PRKN: variants seen among roughly 807,000 people sequenced by gnomAD.
PRKN encodes E3 ubiquitin-protein ligase parkin.
Under a neutral mutation model 59.5 loss-of-function variants are expected in PRKN, and 56 were observed. That is an observed-to-expected ratio of 0.94 (90% confidence interval 0.76 to 1.18). The LOEUF is 1.18. PRKN is among the 50% of genes most tolerant of loss of function. The pLI, the probability that PRKN is intolerant of heterozygous loss-of-function variation, is 0.00. For missense variants in PRKN, 657 were observed against 596.4 expected, an observed-to-expected ratio of 1.10 and a Z score of -1.06; for synonymous variants, 250 against 222.1, an observed-to-expected ratio of 1.13 and a Z score of -1.12.
At chr6:161,886,761 T>A (rs995275643) in intron 6 of PRKN, among the ~76,000 whole-genome samples, 12 of 149,742 alleles carry the variant, frequency 8.0e-5, no homozygotes, top group Admixed American at 3.3e-4. Context: ...TAAAAAAAAA[T>A]AAAATAAAAT....
chr6:162,238,440 C>T lies in PRKN; in HGVS notation c.412+24085G>A, dbSNP rs576440636. On this transcript the variant is annotated intron_variant, in intron 3 of 11. Coordinates refer to ENST00000366898, the MANE Select transcript of PRKN (RefSeq NM_004562.3). ...AGAAGTATGTTGTCATTAAGTGACACGTGACTATACATAAATATGTTAATA... is the reference window on the plus strand; with the variant it reads ...AGAAGTATGTTGTCATTAAGTGACATGTGACTATACATAAATATGTTAATA... 7.4e-4 allele frequency among the ~76,000 whole-genome samples: 112 copies of T among 152,260 alleles called. 2 individuals carry two copies. In the South Asian group the frequency reaches 0.021, roughly 29 times the overall value.
At chr6:161,532,129 T>C (rs1276199046) in intron 9 of PRKN, among the ~76,000 whole-genome samples, 1 of 146,706 alleles carries the variant, frequency 6.8e-6, no homozygotes, top group Non-Finnish European at 1.5e-5. Context: ...ATCCATCCTA[T>C]CTCTGTCTTG....
At chr6:161,875,001 ATATTATATAT>A (rs1270516147) in intron 6 of PRKN, among the ~76,000 whole-genome samples, 45 of 92,706 alleles carry the variant, frequency 4.9e-4, no homozygotes, top group Middle Eastern at 4.6e-3. Context: ...TATATATAAT[ATATTATATAT>A]TATATATAAA....
rs1787026977 is a variant in PRKN, at chr6:162,389,075, A to G, written c.171+54235T>C. On this transcript the variant is annotated intron_variant, in intron 2 of 11. Coordinates refer to ENST00000366898, the MANE Select transcript of PRKN (RefSeq NM_004562.3). Reference sequence around the variant, plus strand: ...AGACATTTTATGTAAATGAGGAGAAAGTAAGGTGCTAGCCCTTCCCGATCA... The same window carrying G: ...AGACATTTTATGTAAATGAGGAGAAGGTAAGGTGCTAGCCCTTCCCGATCA... Among the ~76,000 whole-genome samples, 2 of 151,834 alleles carry G rather than the reference A, an allele frequency of 1.3e-5. 1 individual carries two copies. Among genetic ancestry groups the G allele is most frequent in the African/African-American group, 4.8e-5 (2 of 41,348 alleles).
At chr6:161,674,790 G>T (rs1785030623) in intron 7 of PRKN, among the ~76,000 whole-genome samples, 1 of 152,172 alleles carries the variant, frequency 6.6e-6, no homozygotes, top group Non-Finnish European at 1.5e-5. Context: ...TAAAGTCACA[G>T]CTCTGTTCTA....
intron 6 of PRKN, among the ~76,000 whole-genome samples, chr6:161,788,060 C>T (rs1220808108): frequency 6.6e-6 from 1 of 152,192 alleles, no homozygotes; most frequent in Non-Finnish European, 1.5e-5. Context: ...GCCATGGCTG[C>T]GTGGTATGCG....
intron 1 of PRKN, among the ~76,000 whole-genome samples, chr6:162,686,216 T>G (rs1056917319): frequency 6.6e-6 from 1 of 152,218 alleles, no homozygotes; most frequent in African/African-American, 2.4e-5. Flanking sequence ...ATAAATGTCA[T>G]GATTTAGCCA....
In PRKN at chr6:161,785,904, G is replaced by T; in HGVS notation, c.739C>A (p.Pro247Thr). 3.1e-6 allele frequency: 5 copies of T among 1,614,120 alleles called. No individual in the cohort carries two copies. Among genetic ancestry groups the T allele is most frequent in the Non-Finnish European group, 4.2e-6 (5 of 1,180,014 alleles). Residue 247 changes from proline (P) to threonine (T), a missense_variant, in exon 7 of 12, where the codon CCC (proline) becomes ACC (threonine). Coordinates refer to ENST00000366898, the MANE Select transcript of PRKN (RefSeq NM_004562.3). ...GAGTTGCACTGGAAAACCAGGACGGGGCTCCTGCAGAGAGAAAGGAAGATG... is the reference window on the plus strand; with the variant it reads ...GAGTTGCACTGGAAAACCAGGACGGTGCTCCTGCAGAGAGAAAGGAAGATG... ...TCITCTDVRS[P>T]VLVFQCNSRH...
At chr6:161,685,217 TC>T (rs1159374799) in intron 7 of PRKN, among the ~76,000 whole-genome samples, 1 of 152,200 alleles carries the variant, frequency 6.6e-6, no homozygotes, top group Non-Finnish European at 1.5e-5. Flanking sequence ...TCTGCCCTCC[TC>T]CCTGTCTGGA....
intron 4 of PRKN, among the ~76,000 whole-genome samples, chr6:162,081,395 A>G (rs1202568302): frequency 6.6e-6 from 1 of 152,132 alleles, no homozygotes. Flanking sequence ...GGACTGCAGA[A>G]TTTAGGTGTT....
At chr6:161,658,289 A>G (rs1235835781) in intron 7 of PRKN, among the ~76,000 whole-genome samples, 2 of 152,136 alleles carry the variant, frequency 1.3e-5, no homozygotes, top group Non-Finnish European at 2.9e-5. Flanking sequence ...TGCTCCGTTA[A>G]TTGGAAGTGT....
At chr6:162,506,375 A>G (rs1235788203) in intron 1 of PRKN, among the ~76,000 whole-genome samples, 1 of 152,122 alleles carries the variant, frequency 6.6e-6, no homozygotes, top group East Asian at 1.9e-4. Context: ...AGAAATGTCT[A>G]GCAAGCTAAA....
chr6:162,038,632 C>T (rs2849564), intron 5 of PRKN, among the ~76,000 whole-genome samples: 52,939 of 152,022 alleles, frequency 0.35, 10,119 homozygotes, highest in East Asian at 0.68. Context: ...TACTAAGCTT[C>T]GTCTCTTTTA....
At chr6:161,655,647 G>GA (rs896860494) in intron 7 of PRKN, among the ~76,000 whole-genome samples, 1 of 152,166 alleles carries the variant, frequency 6.6e-6, no homozygotes, top group African/African-American at 2.4e-5. Context: ...GACAATACTG[G>GA]AATCAACTGG....
chr6:162,364,536 A>T (rs1210827397), intron 2 of PRKN, among the ~76,000 whole-genome samples: 1 of 152,218 alleles, frequency 6.6e-6, no homozygotes, highest in Non-Finnish European at 1.5e-5. Context: ...GGGAGGTCAG[A>T]AGAAAAGGGG....
intron 4 of PRKN, among the ~76,000 whole-genome samples, chr6:162,112,956 A>G (rs912160550): frequency 6.6e-6 from 1 of 152,110 alleles, no homozygotes; most frequent in African/African-American, 2.4e-5. Context: ...CGTCCTGCAT[A>G]TATCTGCCTC....
intron 1 of PRKN, among the ~76,000 whole-genome samples, chr6:162,655,395 T>C (rs1174457385): frequency 6.6e-6 from 1 of 152,190 alleles, no homozygotes; most frequent in East Asian, 1.9e-4. Context: ...CAGCCTAGTA[T>C]AACTGTGTGG....
intron 1 of PRKN, among the ~76,000 whole-genome samples, chr6:162,616,536 C>T (rs1782428098): frequency 6.6e-6 from 1 of 152,072 alleles, no homozygotes; most frequent in Non-Finnish European, 1.5e-5. Flanking sequence ...AATGATACCC[C>T]CCCGTAATAT....
rs988647409 is a variant in PRKN at position 161,696,742 on chromosome 6, C to T, written c.871+89030G>A. On this transcript the variant is annotated intron_variant, in intron 7 of 11. Transcript: ENST00000366898. Reference sequence around the variant, plus strand: ...TATTGTTAAGATTATTTCAGAAGCACCATAGATAGGAATATGTATGTTAAA... The same window carrying T: ...TATTGTTAAGATTATTTCAGAAGCATCATAGATAGGAATATGTATGTTAAA... Among the ~76,000 whole-genome samples the T allele has an allele frequency of 8.3e-4, 127 of 152,210 alleles. 1 individual carries two copies. The highest frequency in any genetic ancestry group is 2.9e-3 in the African/African-American group (119 of 41,522).
Sources: gnomAD v4.1 joint callset for allele counts (sites outside exome capture counted in the v4.1 genomes callset) on GRCh38, gnomAD v4.1.1 for gene constraint, MANE v1.5 for transcripts, NCBI Gene and HGNC (gene_info 2026-07-23, HGNC 2026-07-21) for gene names.